The following VAV2 variants were observed in gnomAD, a reference collection of about 807,000 sequenced individuals.
VAV2 encodes the protein guanine nucleotide exchange factor VAV2.
Under a neutral mutation model 132.5 loss-of-function variants are expected in VAV2, and 67 were observed. The ratio of observed to expected loss-of-function variants is 0.51; its 90% CI spans 0.42 to 0.62. VAV2 has a LOEUF of 0.62. VAV2 is among the 20% of genes least tolerant of loss of function. The pLI, the probability that VAV2 is intolerant of heterozygous loss-of-function variation, is 0.00. For missense variants in VAV2, 938 were observed against 1,153.6 expected, an observed-to-expected ratio of 0.81 and a Z score of 2.71; for synonymous variants, 492 against 443.5, an observed-to-expected ratio of 1.11 and a Z score of -1.37.
intron 1 of VAV2, among the ~76,000 whole-genome samples, chr9:133,978,017 CTCTGGA>C (rs1842570602): frequency 6.6e-6 from 1 of 152,000 alleles, no homozygotes; most frequent in Non-Finnish European, 1.5e-5. Flanking sequence ...CGCCCCCTGC[CTCTGGA>C]GATGTCCTAC....
At chr9:133,890,489 C>T (rs372443770) in intron 2 of VAV2, among the ~76,000 whole-genome samples, 2 of 152,260 alleles carry the variant, frequency 1.3e-5, no homozygotes, top group Non-Finnish European at 2.9e-5. Context: ...CAAGGGGCCA[C>T]GGCTCTCCCT....
At chr9:133,786,287 C>T (rs145588673) in intron 16 of VAV2, among the ~76,000 whole-genome samples, 1 of 152,332 alleles carries the variant, frequency 6.6e-6, no homozygotes, top group African/African-American at 2.4e-5. Flanking sequence ...TGTATCTGTC[C>T]CTGCAGGTAC....
intron 2 of VAV2, among the ~76,000 whole-genome samples, chr9:133,861,821 G>T (rs893457655): frequency 3.3e-5 from 5 of 152,188 alleles, no homozygotes; most frequent in Non-Finnish European, 5.9e-5. Flanking sequence ...AGTACAGCTC[G>T]TGTTCACAGT....
chr9:133,956,180 G>A (rs1386947744), intron 1 of VAV2, among the ~76,000 whole-genome samples: 1 of 152,040 alleles, frequency 6.6e-6, no homozygotes, highest in African/African-American at 2.4e-5. Context: ...TTCCTCACTG[G>A]TTCACAGGGA....
chr9:133,816,093 G>A (rs62576517), intron 4 of VAV2, among the ~76,000 whole-genome samples: 26,937 of 152,110 alleles, frequency 0.18, 2,591 homozygotes, highest in African/African-American at 0.24. Flanking sequence ...GATGGCTAAC[G>A]CTGCTGAGGG....
In VAV2 at chr9:133,794,951, G is replaced by A. The variant is rs1834647076; in HGVS notation, c.1101+717C>T. On this transcript the variant is annotated intron_variant, in intron 12 of 29. Coordinates refer to ENST00000371850, the MANE Select transcript of VAV2 (RefSeq NM_001134398.2). The surrounding 1 kb of genome is among the most constrained non-coding windows in gnomAD (Gnocchi z 4.6). The stretch of plus-strand genomic sequence containing the variant: ...TCTGTCCACAGTGAAGGCAGGATGA[G>A]CAGGACGTGGCCAGGTGACGAGGAG... Among the ~76,000 whole-genome samples the A allele has an allele frequency of 6.6e-6, 1 of 152,252 alleles. No individual in the cohort carries two copies. Among genetic ancestry groups the A allele is most frequent in the African/African-American group, 2.4e-5 (1 of 41,466 alleles).
chr9:133,937,537 AGAGTGT>A (rs1335671494), intron 2 of VAV2, among the ~76,000 whole-genome samples: 1 of 99,836 alleles, frequency 1.0e-5, no homozygotes. Context: ...AGTGTGTGTG[AGAGTGT>A]GTGTGTGTGT....
At chr9:133,986,571 C>A (rs771179895) in intron 1 of VAV2, among the ~76,000 whole-genome samples, 1 of 152,280 alleles carries the variant, frequency 6.6e-6, no homozygotes, top group East Asian at 1.9e-4. Flanking sequence ...GAGGAGAATG[C>A]CCTTGTTTGC....
chr9:133,888,994 G>T (rs1281710539), intron 2 of VAV2, among the ~76,000 whole-genome samples: 2 of 152,182 alleles, frequency 1.3e-5, no homozygotes, highest in Admixed American at 1.3e-4. Context: ...AGGGGGGCAG[G>T]GACACCGCGT....
In VAV2 at chr9:133,807,341, T is replaced by C. The variant is rs759346645; in HGVS notation, c.667-15A>G. On this transcript the variant is annotated splice_polypyrimidine_tract_variant and intron_variant, in intron 7 of 29. Transcript: ENST00000371850. ...CTCATGTAGTTCTGGAAGAGAGAAG[T>C]CCACCTCTGCCACCCTGCTGCTGTT... is the stretch of plus-strand genomic sequence containing the variant. 2 of 1,601,090 alleles carry C rather than the reference T, an allele frequency of 1.2e-6. No homozygotes were observed. The highest frequency in any genetic ancestry group is 1.7e-5 in the Admixed American group (1 of 58,786).
chr9:133,767,746 G>A (rs1349152934), intron 29 of VAV2, among the ~76,000 whole-genome samples: 1 of 152,246 alleles, frequency 6.6e-6, no homozygotes, highest in Admixed American at 6.5e-5. Context: ...CTGGCCCTCT[G>A]AAGCCCCATC....
chr9:133,954,514 A>G (rs1477782928), intron 1 of VAV2, among the ~76,000 whole-genome samples: 1 of 152,268 alleles, frequency 6.6e-6, no homozygotes, highest in Non-Finnish European at 1.5e-5. Context: ...AAATCCACGC[A>G]CGCCTGAAGG....
intron 2 of VAV2, among the ~76,000 whole-genome samples, chr9:133,906,407 C>A (rs912859292): frequency 2.6e-5 from 4 of 152,230 alleles, no homozygotes; most frequent in Non-Finnish European, 5.9e-5. Context: ...AGGCCCATCA[C>A]AGTCCTCCGG....
In VAV2 at chr9:133,791,889, G is replaced by A. The variant is rs2131621082; in HGVS notation, c.1102-20C>T. Reference sequence around the variant, plus strand: ...CAAGTCCTTGAAAACAAGAGGCAGAGGTGAGCGGGCTGTGCTGGGTGGGGT... The same window carrying A: ...CAAGTCCTTGAAAACAAGAGGCAGAAGTGAGCGGGCTGTGCTGGGTGGGGT... On this transcript the variant is annotated intron_variant, in intron 12 of 29. Coordinates refer to ENST00000371850, the MANE Select transcript of VAV2 (RefSeq NM_001134398.2). The A allele has an allele frequency of 6.5e-7, 1 of 1,535,366 alleles. No homozygotes were observed. The highest frequency in any genetic ancestry group is 8.8e-7 in the Non-Finnish European group (1 of 1,136,864).
intron 27 of VAV2, among the ~76,000 whole-genome samples, 200 bp downstream of exon 27, chr9:133,770,178 G>A (rs956772857): frequency 3.3e-5 from 5 of 152,212 alleles, no homozygotes; most frequent in Non-Finnish European, 5.9e-5. Flanking sequence ...TTCTGAGCAG[G>A]TGCAGAGTCC....
In VAV2 at chr9:133,804,290, A is replaced by G. The variant is rs191263904; in HGVS notation, c.836+1791T>C. On this transcript the variant is annotated intron_variant, in intron 9 of 29. Coordinates refer to ENST00000371850, the MANE Select transcript of VAV2 (RefSeq NM_001134398.2). This position sits in a 1 kb window ranked among gnomAD's most constrained non-coding sequence, Gnocchi z 4.5. ...TGAAACGCTGACAGCCCCTTCCCCA[A>G]ACAGACCCCGACTGACGGATCTCGC... Among the ~76,000 whole-genome samples the G allele has an allele frequency of 5.4e-4, 82 of 152,324 alleles. 1 individual carries two copies. The highest frequency in any genetic ancestry group is 1.8e-3 in the African/African-American group (76 of 41,576).
intron 1 of VAV2, among the ~76,000 whole-genome samples, chr9:133,943,662 G>T (rs1380564457): frequency 6.6e-6 from 1 of 152,192 alleles, no homozygotes; most frequent in African/African-American, 2.4e-5. Flanking sequence ...GGTCCCCACT[G>T]TGTTTGTTTA....
chr9:133,843,055 A>T (rs889883124), intron 3 of VAV2, among the ~76,000 whole-genome samples: 1 of 152,336 alleles, frequency 6.6e-6, no homozygotes, highest in African/African-American at 2.4e-5. Context: ...AAGCCCAGGG[A>T]TCACGTTTCT....
chr9:133,774,589 G>A (rs1301305345), intron 25 of VAV2, among the ~76,000 whole-genome samples: 1 of 152,170 alleles, frequency 6.6e-6, no homozygotes, highest in Non-Finnish European at 1.5e-5. Context: ...CTCAACCTGT[G>A]GGGCTGCTGG....
Sources: allele counts gnomAD v4.1 joint callset (sites outside exome capture counted in the v4.1 genomes callset), GRCh38; gene constraint gnomAD v4.1.1; non-coding constraint Gnocchi (gnomAD v3.1); transcripts MANE v1.5; gene names NCBI Gene and HGNC (gene_info 2026-07-23, HGNC 2026-07-21).